The following OTULINL variants were observed in gnomAD, a reference collection of about 807,000 sequenced individuals.
OTULINL encodes OTU deubiquitinase with linear linkage specificity like.
A neutral mutation model predicts 43.9 loss-of-function variants in OTULINL; 42 were observed. The observed-to-expected ratio is 0.96, with a 90% CI of 0.75 to 1.24. The LOEUF is 1.24. Ranked by LOEUF, OTULINL falls within the 50% of genes most tolerant of loss-of-function variation. The pLI is 0.00. For missense variants in OTULINL, 411 were observed against 426.4 expected (o/e 0.96, Z 0.32); for synonymous variants, 172 against 153.6 (o/e 1.12, Z -0.88).
intron 1 of OTULINL, among the ~76,000 whole-genome samples, chr5:14,588,991 G>A (rs1315737718): frequency 6.6e-6 from 1 of 152,144 alleles, no homozygotes; most frequent in African/African-American, 2.4e-5. Flanking sequence ...CGGACCCTGG[G>A]GGAAGCTGGC....
intron 7 of OTULINL, 31 bp downstream of exon 7, chr5:14,609,048 G>A (rs749627359): frequency 1.0e-5 from 16 of 1,588,000 alleles, no homozygotes; most frequent in African/African-American, 1.4e-5. Context: ...GCTTGTATTT[G>A]ATTAAGGATG....
chr5:14,603,675 T>A (rs181439768), intron 5 of OTULINL, among the ~76,000 whole-genome samples: 4 of 152,254 alleles, frequency 2.6e-5, no homozygotes, highest in African/African-American at 7.2e-5. Context: ...TGTTTTTTTT[T>A]AAATTATTGA....
At chr5:14,590,605 C>T (rs1270698307) in intron 1 of OTULINL, among the ~76,000 whole-genome samples, 26 of 152,180 alleles carry the variant, frequency 1.7e-4, no homozygotes, top group Admixed American at 1.7e-3. Flanking sequence ...AAGGAGGCTT[C>T]TGCAGTGTGG....
In OTULINL at chr5:14,581,899, C is replaced by A; in HGVS notation, c.5C>A (p.Ala2Glu). 7.1e-7 allele frequency: 1 copy of A among 1,412,482 alleles called. No homozygotes were observed. Among genetic ancestry groups the A allele is most frequent in the Non-Finnish European group, 9.2e-7 (1 of 1,082,772 alleles). 87.5% of individuals were successfully genotyped at this position (1,412,482 alleles called of 1,614,324 possible). A position where few individuals can be genotyped will look rare whatever the true frequency, so the allele number is the denominator to read the frequency against. ...CCCGTCCGCAGCGCGGCCGGCATGG[C>A]GGCGACAAGGAGCCCCACGCGGGCA... M[A>E]ATRSPTRARE... is the part of the protein sequence containing the mutation. The change falls in exon 1 of 8, where the codon GCG becomes GAG. Residue 2 changes from alanine (A) to glutamate (E), a missense_variant. Transcript: ENST00000274217.
intron 1 of OTULINL, among the ~76,000 whole-genome samples, chr5:14,598,717 C>CA (rs1345089706): frequency 2.0e-5 from 3 of 151,568 alleles, no homozygotes; most frequent in Admixed American, 6.6e-5. Flanking sequence ...GACCCTGTCT[C>CA]AAAAAAAGGC....
intron 5 of OTULINL, among the ~76,000 whole-genome samples, chr5:14,603,245 GT>G (rs1353421650): frequency 6.6e-6 from 1 of 152,180 alleles, no homozygotes; most frequent in African/African-American, 2.4e-5. Flanking sequence ...CATCTGGATT[GT>G]TTTTAGTTTG....
At chr5:14,607,504 T>C in intron 6 of OTULINL, 46 bp downstream of exon 6, 1 of 1,606,116 alleles carries the variant, frequency 6.2e-7, no homozygotes, top group South Asian at 1.1e-5. Flanking sequence ...TAAAAGCACA[T>C]ATCCCAGATA....
chr5:14,596,994 T>C (rs1236278651), intron 1 of OTULINL, among the ~76,000 whole-genome samples: 9 of 152,176 alleles, frequency 5.9e-5, no homozygotes, highest in Admixed American at 5.9e-4. Flanking sequence ...AAAACTAACA[T>C]GTAGGACACA....
intron 6 of OTULINL, among the ~76,000 whole-genome samples, chr5:14,608,024 CAG>C (rs1262555572): frequency 6.6e-6 from 1 of 152,180 alleles, no homozygotes; most frequent in African/African-American, 2.4e-5. Context: ...ACGTAATACA[CAG>C]AGAGCTTTAA....
chr5:14,585,257 T>C (rs368892820), intron 1 of OTULINL, among the ~76,000 whole-genome samples: 59 of 151,910 alleles, frequency 3.9e-4, no homozygotes, highest in African/African-American at 1.4e-3. Flanking sequence ...CTTTAAAAAA[T>C]AGTTTGAGGG....
chr5:14,609,917 C>T (rs1003578911), intron 7 of OTULINL, among the ~76,000 whole-genome samples: 11 of 152,154 alleles, frequency 7.2e-5, no homozygotes, highest in African/African-American at 1.2e-4. Flanking sequence ...CGCGCCTGGC[C>T]GTGATTTTTA....
rs1177498893 is a variant in OTULINL, at chr5:14,612,431, G to C, written c.*2117G>C. 3 of 152,228 alleles carry C rather than the reference G, an allele frequency of 2.0e-5. No individual in the cohort carries two copies. Among genetic ancestry groups the C allele is most frequent in the African/African-American group, 4.8e-5 (2 of 41,464 alleles). 9.4% of individuals were successfully genotyped at this position (152,228 alleles called of 1,614,324 possible). On this transcript the variant is annotated 3_prime_UTR_variant, in exon 8 of 8. Coordinates refer to ENST00000274217, the MANE Select transcript of OTULINL (RefSeq NM_019018.3). ...CTCAGTCAACCCATCATGTTGTGTTGTGGGCGGGGGGCAAGAATTCTTTAG... is the reference window on the plus strand; with the variant it reads ...CTCAGTCAACCCATCATGTTGTGTTCTGGGCGGGGGGCAAGAATTCTTTAG...
chr5:14,601,823 A>G (rs1197545401), intron 4 of OTULINL, among the ~76,000 whole-genome samples: 1 of 152,234 alleles, frequency 6.6e-6, no homozygotes, highest in African/African-American at 2.4e-5. Flanking sequence ...CAATCTTGGT[A>G]AATATCCCCA....
At chr5:14,598,596 A>G (rs1404714414) in intron 1 of OTULINL, among the ~76,000 whole-genome samples, 1 of 152,218 alleles carries the variant, frequency 6.6e-6, no homozygotes, top group Non-Finnish European at 1.5e-5. Context: ...GTTTATCAAT[A>G]AGGCAGTGTT....
At chr5:14,609,086 T>C in intron 7 of OTULINL, 69 bp downstream of exon 7, 1 of 1,518,284 alleles carries the variant, frequency 6.6e-7, no homozygotes, top group Non-Finnish European at 8.9e-7. Context: ...CACAGAGGTG[T>C]CTGGGGTGAC....
At chr5:14,600,876 G>GGT in intron 1 of OTULINL, 89 bp from the exon 2 acceptor site, 1 of 1,128,712 alleles carries the variant, frequency 8.9e-7, no homozygotes, top group Non-Finnish European at 1.2e-6. Flanking sequence ...GTAAAATTAT[G>GGT]CAATCTCTCT....
intron 5 of OTULINL, among the ~76,000 whole-genome samples, chr5:14,606,465 C>G (rs1290391001): frequency 6.6e-6 from 1 of 152,152 alleles, no homozygotes; most frequent in Non-Finnish European, 1.5e-5. Flanking sequence ...GCTCAGCAAA[C>G]TGAGTAGGAT....
intron 5 of OTULINL, among the ~76,000 whole-genome samples, chr5:14,604,576 G>A (rs1434710675): frequency 6.6e-6 from 1 of 152,176 alleles, no homozygotes; most frequent in African/African-American, 2.4e-5. Context: ...CTGGAAATGT[G>A]GGAAATGTCA....
intron 5 of OTULINL, among the ~76,000 whole-genome samples, chr5:14,603,115 G>GCACA (rs1338173729): frequency 6.6e-6 from 1 of 152,114 alleles, no homozygotes; most frequent in Non-Finnish European, 1.5e-5. Context: ...CTTTCACTTA[G>GCACA]CACAATGCAT....
Sources: allele counts gnomAD v4.1 joint callset (sites outside exome capture counted in the v4.1 genomes callset), GRCh38; gene constraint gnomAD v4.1.1; transcripts MANE v1.5; gene names NCBI Gene and HGNC (gene_info 2026-07-23, HGNC 2026-07-21).